The following ANO9 variants were observed in gnomAD, a reference collection of about 807,000 sequenced individuals.
ANO9 encodes anoctamin 9, also known as anoctamin-9.
Under a neutral mutation model 100.5 loss-of-function variants are expected in ANO9, and 80 were observed. The ratio of observed to expected loss-of-function variants is 0.80; its 90% CI spans 0.66 to 0.96. ANO9 has a LOEUF of 0.96. Ranked by LOEUF, ANO9 falls within the 40% of genes least tolerant of loss-of-function variation. The pLI, the probability that ANO9 is intolerant of heterozygous loss-of-function variation, is 0.00. For missense variants in ANO9, 1,064 were observed against 1,072.7 expected, an observed-to-expected ratio of 0.99 and a Z score of 0.11; for synonymous variants, 473 against 435.6, an observed-to-expected ratio of 1.09 and a Z score of -1.07.
Position 428,595 on chromosome 11 carries a change from G to C in ANO9, c.1065C>G (p.Arg355=), listed in dbSNP as rs775839257. Reference sequence around the variant, plus strand: ...TGCTGAAGAGCGCGGAGGCCAGGACGCGGTAGACCACCAGGACGTGGGCCA... The same window carrying C: ...TGCTGAAGAGCGCGGAGGCCAGGACCCGGTAGACCACCAGGACGTGGGCCA... The part of the protein sequence containing the change: ...IGMAHVLVVY[R]VLASALFSSS... The change falls in exon 13 of 23, where the codon CGC becomes CGG. Residue 355 remains arginine, a synonymous_variant. Transcript: ENST00000332826. The C allele has an allele frequency of 6.2e-7, 1 of 1,612,494 alleles. No individual in the cohort carries two copies. The highest frequency in any genetic ancestry group is 1.3e-5 in the African/African-American group (1 of 75,066).
At chr11:437,676 G>T (rs375811275) in intron 1 of ANO9, among the ~76,000 whole-genome samples, 1 of 149,790 alleles carries the variant, frequency 6.7e-6, no homozygotes, top group South Asian at 2.1e-4. Context: ...CTGTCTCAGC[G>T]CAGAGGGCAG....
intron 1 of ANO9, among the ~76,000 whole-genome samples, chr11:437,004 G>A (rs1181312470): frequency 3.4e-5 from 4 of 117,190 alleles, no homozygotes; most frequent in Non-Finnish European, 7.1e-5. Flanking sequence ...GGAGGTGAGC[G>A]GGGAGTGAGC....
chr11:427,010 G>T (rs900312660), intron 15 of ANO9, among the ~76,000 whole-genome samples: 2 of 152,188 alleles, frequency 1.3e-5, no homozygotes, highest in Admixed American at 1.3e-4. Context: ...ACCCGCAGGA[G>T]CTTCCAGAGT....
intron 11 of ANO9, 153 bp downstream of exon 11, chr11:429,416 AG>A (rs1205976967): frequency 6.9e-7 from 1 of 1,455,896 alleles, no homozygotes; most frequent in East Asian, 2.5e-5. Flanking sequence ...CACGCCTCAC[AG>A]GTGGACAGAC....
Position 431,863 on chromosome 11 carries a change from C to G in ANO9, c.450G>C (p.Arg150Ser). 1 of 1,610,944 alleles carries G rather than the reference C, an allele frequency of 6.2e-7. No individual in the cohort carries two copies. Among genetic ancestry groups the G allele is most frequent in the Non-Finnish European group, 8.5e-7 (1 of 1,178,358 alleles). Residue 150 changes from arginine (R) to serine (S), a missense_variant, in exon 6 of 23, where the codon AGG becomes AGC. By Grantham distance (110) the Arg-to-Ser change is moderately radical (BLOSUM62 -1). Transcript: ENST00000332826. ...CACCCCTCACCTTGTGCAGGGGGAA[C>G]CTGGCCTCAAAGACCCCGTCCTTCA... is the stretch of plus-strand genomic sequence containing the variant. ...DLMKDGVFEARFPLHKGEGRL... is the reference protein window; with the variant it reads ...DLMKDGVFEASFPLHKGEGRL...
At chr11:427,358 A>T (rs1848578878) in intron 15 of ANO9, among the ~76,000 whole-genome samples, 3 of 152,150 alleles carry the variant, frequency 2.0e-5, no homozygotes, top group South Asian at 4.1e-4. Flanking sequence ...TCAAAAAAAA[A>T]GTAAAGCTGC....
At chr11:427,872 G>T (rs529730685) in intron 15 of ANO9, among the ~76,000 whole-genome samples, 270 of 150,612 alleles carry the variant, frequency 1.8e-3, no homozygotes, top group Non-Finnish European at 2.6e-3. Flanking sequence ...GCATGAAAAA[G>T]CCTGGGAGGC....
Position 428,492 on chromosome 11 carries a change from T to A in ANO9, c.1168A>T (p.Ile390Phe). 6.2e-7 allele frequency: 1 copy of A among 1,612,532 alleles called. No homozygotes were observed. The highest frequency in any genetic ancestry group is 8.5e-7 in the Non-Finnish European group (1 of 1,179,814). The change falls in exon 13 of 23, where the codon ATC (isoleucine) becomes TTC (phenylalanine). Residue 390 changes from isoleucine (I) to phenylalanine (F), a missense_variant. Ile to Phe is a conservative substitution (Grantham distance 21, BLOSUM62 0). Transcript: ENST00000332826. ...GGCCCCACCTTGGTCATGATGATGA[T>A]GGTCACATAGTGCACCAGAGCCCCG... ...VTGALVHYVT[I>F]IIMTKINRCV...
Position 418,137 on chromosome 11 carries a change from C to A in ANO9, c.*234G>T. 2.0e-6 allele frequency: 1 copy of A among 497,756 alleles called. No homozygotes were observed. The highest frequency in any genetic ancestry group is 3.5e-5 in the South Asian group (1 of 28,480). 30.8% of individuals were successfully genotyped at this position (497,756 alleles called of 1,614,324 possible). ...CCCTCACTCCCAGTTCTGTGGGTGC[C>A]CAGGGTCACCCAGAGTTCAAGTCAG... On this transcript the variant is annotated 3_prime_UTR_variant, in exon 23 of 23. Coordinates refer to ENST00000332826, the MANE Select transcript of ANO9 (RefSeq NM_001012302.3).
In ANO9 at chr11:429,565, C is replaced by T. The variant is rs755181520; in HGVS notation, c.915+5G>A. ...GCCTCAGCTGCGCTGCCAGCTCCAC[C>T]TCACCTGTTCCTCGTCCCACACGTA... On this transcript the variant is annotated splice_donor_5th_base_variant and intron_variant, in intron 11 of 22. Transcript: ENST00000332826. 11 of 1,612,378 alleles carry T rather than the reference C, an allele frequency of 6.8e-6. No homozygotes were observed. Among genetic ancestry groups the T allele is most frequent in the Non-Finnish European group, 9.3e-6 (11 of 1,179,810 alleles).
chr11:441,960 G>A lies in ANO9; in HGVS notation c.-34C>T. On this transcript the variant is annotated 5_prime_UTR_variant, in exon 1 of 23. Coordinates refer to ENST00000332826, the MANE Select transcript of ANO9 (RefSeq NM_001012302.3). ...TGGCCGGAGTTCCAGCTGGGGTTTGGCGGCCAGGAGAGTGGCTGCCAGCGG... is the reference window on the plus strand; with the variant it reads ...TGGCCGGAGTTCCAGCTGGGGTTTGACGGCCAGGAGAGTGGCTGCCAGCGG... 1 of 1,602,938 alleles carries A rather than the reference G, an allele frequency of 6.2e-7. No individual in the cohort carries two copies.
At chr11:435,563 A>AATATG (rs1849430303) in intron 1 of ANO9, among the ~76,000 whole-genome samples, 1 of 134,814 alleles carries the variant, frequency 7.4e-6, no homozygotes, top group African/African-American at 2.8e-5. Flanking sequence ...AGTCTAGTCT[A>AATATG]GTCTAGTATA....
chr11:437,961 C>T (rs921161038), intron 1 of ANO9, among the ~76,000 whole-genome samples: 1 of 152,106 alleles, frequency 6.6e-6, no homozygotes, highest in Non-Finnish European at 1.5e-5. Flanking sequence ...AAGGAAGGGA[C>T]GAGGCAGGGA....
rs1178249357 is a variant in ANO9, at chr11:432,839, T to C, written c.350+475A>G. 1 of 159,446 alleles carries C rather than the reference T, an allele frequency of 6.3e-6. No homozygotes were observed. The highest frequency in any genetic ancestry group is 1.4e-5 in the Non-Finnish European group (1 of 73,220). The allele number at this position is 159,446 out of a possible 1,614,324, so 9.9% of individuals were successfully genotyped here. ...TGGAGGGCCAGGCTTGGAGGCTCCCTCCTGGGCTGGAGGACTGGGGAGAAG... is the reference window on the plus strand; with the variant it reads ...TGGAGGGCCAGGCTTGGAGGCTCCCCCCTGGGCTGGAGGACTGGGGAGAAG... On this transcript the variant is annotated intron_variant, in intron 4 of 22. Coordinates refer to ENST00000332826, the MANE Select transcript of ANO9 (RefSeq NM_001012302.3). The surrounding 1 kb of genome is among the most constrained non-coding windows in gnomAD (Gnocchi z 4.8).
intron 1 of ANO9, among the ~76,000 whole-genome samples, chr11:437,891 C>T (rs1433029276): frequency 2.0e-5 from 3 of 152,202 alleles, no homozygotes; most frequent in Non-Finnish European, 4.4e-5. Flanking sequence ...AATTAGAGAC[C>T]CCCTCACATC....
intron 1 of ANO9, among the ~76,000 whole-genome samples, chr11:435,490 T>C (rs937784356): frequency 6.6e-6 from 1 of 150,990 alleles, no homozygotes; most frequent in Non-Finnish European, 1.5e-5. Flanking sequence ...CATAATACGG[T>C]ATAGTCTAGT....
Position 420,855 on chromosome 11 carries a change from A to T in ANO9, c.1496T>A (p.Val499Glu). The change falls in exon 18 of 23, where the codon GTG becomes GAG. Residue 499 changes from valine to glutamate, a missense_variant. Transcript: ENST00000332826. ...SNCVEYLVPW[V>E]THKCRSLRAS... ...CCGCAGAGAGCGGCACTTGTGGGTC[A>T]CCCACCTGCGGGGAGAGCTGCGTGG... 6.3e-7 allele frequency: 1 copy of T among 1,590,500 alleles called. No homozygotes were observed. Among genetic ancestry groups the T allele is most frequent in the Non-Finnish European group, 8.5e-7 (1 of 1,171,782 alleles).
intron 1 of ANO9, among the ~76,000 whole-genome samples, chr11:437,666 C>G (rs189521427): frequency 4.2e-4 from 64 of 151,212 alleles, no homozygotes; most frequent in African/African-American, 1.4e-3. Flanking sequence ...AGAGGCACCT[C>G]TGTCTCAGCG....
chr11:433,102 A>T, intron 4 of ANO9: 1 of 606,178 alleles, frequency 1.6e-6, no homozygotes, highest in Non-Finnish European at 2.7e-6. Context: ...GAATGCTCTG[A>T]GCGTTGAGAA....
Sources: allele counts gnomAD v4.1 joint callset (sites outside exome capture counted in the v4.1 genomes callset), GRCh38; gene constraint gnomAD v4.1.1; non-coding constraint Gnocchi (gnomAD v3.1); transcripts MANE v1.5; gene names NCBI Gene and HGNC (gene_info 2026-07-23, HGNC 2026-07-21).